Variants in CCDC181 observed in about 807,000 individuals in gnomAD.
CCDC181 encodes coiled-coil domain containing 181.
Under a neutral mutation model 58.7 loss-of-function variants are expected in CCDC181, and 35 were observed. The ratio of observed to expected loss-of-function variants is 0.60; its 90% CI spans 0.46 to 0.79. CCDC181 has a LOEUF of 0.79. CCDC181 is among the 30% of genes least tolerant of loss of function. CCDC181 has a pLI of 0.00. For missense variants in CCDC181, 517 were observed against 583.9 expected (o/e 0.89, Z 1.18); for synonymous variants, 183 against 197.5 (o/e 0.93, Z 0.62).
At chr1:169,435,509 C>T (rs1013169688) in intron 2 of CCDC181, among the ~76,000 whole-genome samples, 1 of 152,102 alleles carries the variant, frequency 6.6e-6, no homozygotes, top group Non-Finnish European at 1.5e-5. Flanking sequence ...ATATATGGCT[C>T]ATATCTCCTA....
chr1:169,415,813 A>T (rs193276337), intron 4 of CCDC181, among the ~76,000 whole-genome samples: 406 of 152,208 alleles, frequency 2.7e-3, no homozygotes, highest in African/African-American at 9.2e-3. Flanking sequence ...TGATTCTCTC[A>T]TCTTCTACGT....
intron 3 of CCDC181, among the ~76,000 whole-genome samples, chr1:169,419,377 C>T (rs575879138): frequency 5.3e-5 from 8 of 152,196 alleles, no homozygotes; most frequent in South Asian, 2.1e-4. Flanking sequence ...GTCAGGAGTT[C>T]GAGACCAGAC....
intron 2 of CCDC181, among the ~76,000 whole-genome samples, chr1:169,449,703 G>T (rs1366261107): frequency 6.6e-6 from 1 of 152,232 alleles, no homozygotes; most frequent in Non-Finnish European, 1.5e-5. Flanking sequence ...CAGCATGGGA[G>T]AAAGATGAAG....
chr1:169,436,506 A>G (rs1657058345), intron 2 of CCDC181, among the ~76,000 whole-genome samples: 1 of 152,210 alleles, frequency 6.6e-6, no homozygotes, highest in Admixed American at 6.5e-5. Flanking sequence ...CCTGAGTTCA[A>G]GTGATTCTCA....
At chr1:169,397,015 G>C (rs560670584) in intron 5 of CCDC181, among the ~76,000 whole-genome samples, 1 of 151,190 alleles carries the variant, frequency 6.6e-6, no homozygotes, top group African/African-American at 2.4e-5. Context: ...GTATCTTGAA[G>C]AAAAATTGGT....
chr1:169,397,357 A>G lies in CCDC181; in HGVS notation c.1250T>C (p.Leu417Ser). ...CTCTTCGTGCTTTTTTTTAAGCCAT[A>G]ATCGAAAAGCTTGTTGTGGATCTCT... ...ENRDPQQAFR[L>S]WLKKKHEEQM... Residue 417 changes from leucine to serine, a missense_variant, in exon 5 of 6, where the codon TTA (leucine) becomes TCA (serine). By Grantham distance (145) the Leu-to-Ser change is moderately radical (BLOSUM62 -2). Coordinates refer to ENST00000367806, the MANE Select transcript of CCDC181 (RefSeq NM_001300969.2). 22 of 1,610,012 alleles carry G rather than the reference A, an allele frequency of 1.4e-5. No individual in the cohort carries two copies. The highest frequency in any genetic ancestry group is 1.9e-5 in the Non-Finnish European group (22 of 1,178,186).
chr1:169,395,957 T>C (rs1206037387), intron 5 of CCDC181: 3 of 151,922 alleles, frequency 2.0e-5, no homozygotes, highest in African/African-American at 7.3e-5. Context: ...AATCTGATGA[T>C]ATGTGGTCCT....
intron 2 of CCDC181, among the ~76,000 whole-genome samples, chr1:169,454,768 C>T (rs1657639547): frequency 6.6e-6 from 1 of 151,930 alleles, no homozygotes; most frequent in African/African-American, 2.4e-5. Flanking sequence ...TCATGACCTA[C>T]CTATTCCATC....
chr1:169,418,833 C>A, intron 4 of CCDC181, 180 bp downstream of exon 4: 1 of 522,682 alleles, frequency 1.9e-6, no homozygotes, highest in South Asian at 3.0e-5. Context: ...ATTTTATTTT[C>A]ACAAGACCTC....
rs1571454989 is a variant in CCDC181 at position 169,396,892 on chromosome 1, A to T, written c.1370+345T>A. ...TCAGTTTTTCTGAGGGCTATGTAGG[A>T]GAAGCTGTAACCAATCTTCAACCCA... On this transcript the variant is annotated intron_variant, in intron 5 of 5. Coordinates refer to ENST00000367806, the MANE Select transcript of CCDC181 (RefSeq NM_001300969.2). 2.0e-5 allele frequency among the ~76,000 whole-genome samples: 3 copies of T among 152,156 alleles called. No homozygotes were observed. In the East Asian group the frequency reaches 5.8e-4, roughly 29 times the overall value.
chr1:169,456,903 G>C (rs1303617366), intron 2 of CCDC181, among the ~76,000 whole-genome samples: 2 of 152,144 alleles, frequency 1.3e-5, no homozygotes, highest in Non-Finnish European at 2.9e-5. Context: ...TTGTATGTGA[G>C]ACCTTCCTAT....
intron 3 of CCDC181, among the ~76,000 whole-genome samples, 179 bp from the exon 4 acceptor site, chr1:169,419,338 G>T (rs183828731): frequency 6.6e-6 from 1 of 152,142 alleles, no homozygotes; most frequent in Non-Finnish European, 1.5e-5. Context: ...CCAGCACTCT[G>T]GGGGGCCGAG....
intron 4 of CCDC181, among the ~76,000 whole-genome samples, chr1:169,409,688 T>A (rs1166721998): frequency 6.6e-6 from 1 of 152,094 alleles, no homozygotes; most frequent in East Asian, 1.9e-4. Context: ...TAAGAGCAGA[T>A]CTCTCTGCAG....
chr1:169,395,694 A>G (rs1403053784), intron 5 of CCDC181, among the ~76,000 whole-genome samples: 1 of 152,238 alleles, frequency 6.6e-6, no homozygotes, highest in Non-Finnish European at 1.5e-5. Context: ...AAAGTAAGCC[A>G]AACATGAAAA....
upstream of CCDC181, among the ~76,000 whole-genome samples, chr1:169,429,052 G>GT (rs1656828298): frequency 6.6e-6 from 1 of 152,090 alleles, no homozygotes; most frequent in Admixed American, 6.5e-5. Flanking sequence ...ATGATGTTTG[G>GT]TTTTCCATTC....
chr1:169,450,216 G>C (rs1657498253), intron 2 of CCDC181, among the ~76,000 whole-genome samples: 1 of 152,162 alleles, frequency 6.6e-6, no homozygotes, highest in South Asian at 2.1e-4. Context: ...TTCCCCTACA[G>C]AGGATAAGGC....
chr1:169,438,950 ATCC>A (rs1447721418), intron 2 of CCDC181, among the ~76,000 whole-genome samples: 5 of 152,138 alleles, frequency 3.3e-5, no homozygotes, highest in Non-Finnish European at 5.9e-5. Flanking sequence ...CTTCCAAACT[ATCC>A]TCCTATTCTC....
chr1:169,401,326 A>G (rs1240068035), intron 4 of CCDC181, among the ~76,000 whole-genome samples: 2 of 152,204 alleles, frequency 1.3e-5, no homozygotes, highest in African/African-American at 4.8e-5. Flanking sequence ...GGAGTTTGAG[A>G]TCTGAGAAAG....
intron 2 of CCDC181, among the ~76,000 whole-genome samples, chr1:169,443,679 T>C (rs1051829896): frequency 2.0e-5 from 3 of 152,050 alleles, no homozygotes; most frequent in Admixed American, 2.0e-4. Context: ...CAGACAAAAA[T>C]ATTTAACATC....
Sources: gnomAD v4.1 joint callset for allele counts (sites outside exome capture counted in the v4.1 genomes callset) on GRCh38, gnomAD v4.1.1 for gene constraint, MANE v1.5 for transcripts, NCBI Gene and HGNC (gene_info 2026-07-23, HGNC 2026-07-21) for gene names.